Variants in WWOX observed in about 807,000 individuals in gnomAD.
WWOX encodes WW domain-containing oxidoreductase.
In WWOX, 69 loss-of-function variants were observed where a neutral mutation model predicts 46.2. That is an observed-to-expected ratio of 1.49 (90% CI 1.23 to 1.82). WWOX has a LOEUF of 1.82. Among genes scored for constraint, WWOX ranks in the 40% most tolerant of loss-of-function variants. The probability of loss-of-function intolerance (pLI) is 0.00; values close to 1 mark genes in which losing one functional copy is unlikely to be tolerated. For missense variants in WWOX, 919 were observed against 542.6 expected (o/e 1.69, Z -6.89); for synonymous variants, 359 against 202.6 (o/e 1.77, Z -6.56).
chr16:79,028,414 G>C (rs1169050648), intron 8 of WWOX, among the ~76,000 whole-genome samples: 2 of 151,916 alleles, frequency 1.3e-5, no homozygotes, highest in African/African-American at 4.9e-5. Flanking sequence ...ACATGAGGCA[G>C]TGTACAGCGC....
At chr16:78,123,440 G>GTTTTGTTTTGTTTTTTTTTTTT (rs1567584444) in intron 4 of WWOX, 12 of 50,480 alleles carry the variant, frequency 2.4e-4, no homozygotes, top group Admixed American at 9.7e-4. Context: ...TTTTTGTTTT[G>GTTTTGTTTTGTTTTTTTTTTTT]TTTTTTTTTT....
intron 8 of WWOX, among the ~76,000 whole-genome samples, chr16:79,136,930 A>T (rs2049992562): frequency 6.6e-6 from 1 of 152,234 alleles, no homozygotes; most frequent in Non-Finnish European, 1.5e-5. Context: ...AATCAATTAC[A>T]TGTGATTAAT....
intron 5 of WWOX, among the ~76,000 whole-genome samples, chr16:78,378,115 C>G (rs569292507): frequency 6.6e-6 from 1 of 151,906 alleles, no homozygotes; most frequent in African/African-American, 2.4e-5. Context: ...TGCGTCCCCC[C>G]GCCCTGCCCC....
At chr16:78,531,411 C>G (rs1020491984) in intron 8 of WWOX, among the ~76,000 whole-genome samples, 4 of 152,146 alleles carry the variant, frequency 2.6e-5, no homozygotes, top group Non-Finnish European at 4.4e-5. Flanking sequence ...TTGGTTGAAA[C>G]AATTGGACAG....
At chr16:78,413,207 G>A (rs540247504) in intron 6 of WWOX, among the ~76,000 whole-genome samples, 10 of 152,320 alleles carry the variant, frequency 6.6e-5, no homozygotes, top group South Asian at 4.1e-4. Flanking sequence ...AGAATTCAGG[G>A]ATCGGAGTCT....
intron 8 of WWOX, among the ~76,000 whole-genome samples, chr16:78,527,414 C>A (rs548434690): frequency 4.2e-4 from 64 of 151,574 alleles, no homozygotes; most frequent in African/African-American, 1.5e-3. Context: ...CTGCCTTGGG[C>A]CCCTGAGTAG....
At chr16:78,389,832 C>T (rs55797137) in intron 6 of WWOX, among the ~76,000 whole-genome samples, 9,424 of 152,206 alleles carry the variant, frequency 0.062, 371 homozygotes, top group South Asian at 0.17. Flanking sequence ...TTCATTGCAA[C>T]CTCTGGCCTT....
At chr16:78,722,067 C>G (rs1437372242) in intron 8 of WWOX, among the ~76,000 whole-genome samples, 1 of 152,130 alleles carries the variant, frequency 6.6e-6, no homozygotes, top group African/African-American at 2.4e-5. Context: ...GAAGCTAAGA[C>G]TTTGTATTAT....
Position 78,501,224 on chromosome 16 carries a change from C to A in WWOX, c.1056+68472C>A, listed in dbSNP as rs559316651. Among the ~76,000 whole-genome samples the A allele has an allele frequency of 3.0e-3, 147 of 48,744 alleles. 3 individuals carry two copies. Among genetic ancestry groups the A allele is most frequent in the Non-Finnish European group, 5.6e-3 (86 of 15,488 alleles). 32.0% of individuals were successfully genotyped at this position (48,744 alleles called of 152,430 possible). A position where few individuals can be genotyped will look rare whatever the true frequency, so the allele number is the denominator to read the frequency against. On this transcript the variant is annotated intron_variant, in intron 8 of 8. Transcript: ENST00000566780. The stretch of plus-strand genomic sequence containing the variant: ...TTTTTTTTGAAAAACTTTTTTGGAG[C>A]AGCACCTGCATGTTGTAAAAACACA...
intron 5 of WWOX, among the ~76,000 whole-genome samples, chr16:78,363,171 T>G (rs931776398): frequency 1.3e-5 from 2 of 152,190 alleles, no homozygotes; most frequent in Non-Finnish European, 2.9e-5. Context: ...TGTATGTGTC[T>G]GTGTGTTCAC....
At chr16:78,939,667 G>A in intron 8 of WWOX, among the ~76,000 whole-genome samples, 1 of 152,206 alleles carries the variant, frequency 6.6e-6, no homozygotes, top group African/African-American at 2.4e-5. Flanking sequence ...ATTATCAAAA[G>A]GAAGTTCCCT....
chr16:78,720,305 A>G lies in WWOX; in HGVS notation c.1056+287553A>G, dbSNP rs192883533. 3.6e-4 allele frequency among the ~76,000 whole-genome samples: 52 copies of G among 145,518 alleles called. No homozygotes were observed. In the East Asian group the frequency reaches 9.1e-3, roughly 26 times the overall value. On this transcript the variant is annotated intron_variant, in intron 8 of 8. Transcript: ENST00000566780. ...AATCATCTGAACCTGACGGTTATAT[A>G]GATCTTTCTGAATTATTTTTCTTTC...
At chr16:78,385,412 G>C (rs1268684407) in intron 5 of WWOX, among the ~76,000 whole-genome samples, 3 of 152,174 alleles carry the variant, frequency 2.0e-5, no homozygotes, top group Non-Finnish European at 4.4e-5. Context: ...AGGATGTTAG[G>C]AACTTATGAA....
chr16:78,922,016 A>G (rs976727065), intron 8 of WWOX, among the ~76,000 whole-genome samples: 8 of 152,240 alleles, frequency 5.3e-5, no homozygotes, highest in African/African-American at 1.7e-4. Flanking sequence ...TACCCATGAC[A>G]TCAGGACAGA....
chr16:78,986,482 T>G (rs1026540381), intron 8 of WWOX, among the ~76,000 whole-genome samples: 1 of 152,210 alleles, frequency 6.6e-6, no homozygotes, highest in Non-Finnish European at 1.5e-5. Flanking sequence ...TGTACCACTC[T>G]TTGGATTTTA....
At chr16:78,748,177 C>T (rs377047725) in intron 8 of WWOX, among the ~76,000 whole-genome samples, 1 of 152,120 alleles carries the variant, frequency 6.6e-6, no homozygotes, top group African/African-American at 2.4e-5. Context: ...TCCTGAGCTA[C>T]AAAGGTGAAC....
chr16:78,702,875 G>C (rs2048254169), intron 8 of WWOX, among the ~76,000 whole-genome samples: 2 of 152,128 alleles, frequency 1.3e-5, no homozygotes, highest in African/African-American at 4.8e-5. Context: ...ATCCTGCTTT[G>C]CTCACTGCAG....
intron 8 of WWOX, among the ~76,000 whole-genome samples, chr16:78,575,029 AT>A (rs2044827729): frequency 5.4e-4 from 1 of 1,852 alleles, no homozygotes; most frequent in African/African-American, 2.1e-3. Flanking sequence ...ATAAATATAT[AT>A]ATATATATAT....
At chr16:78,764,276 A>G (rs1435461506) in intron 8 of WWOX, among the ~76,000 whole-genome samples, 1 of 151,594 alleles carries the variant, frequency 6.6e-6, no homozygotes. Flanking sequence ...CTCCGTGGGG[A>G]GGAGCTGCCA....
Sources: allele counts gnomAD v4.1 joint callset (sites outside exome capture counted in the v4.1 genomes callset), GRCh38; gene constraint gnomAD v4.1.1; transcripts MANE v1.5; gene names NCBI Gene and HGNC (gene_info 2026-07-23, HGNC 2026-07-21).